The following SLC11A2 variants were observed in gnomAD, a reference collection of about 807,000 sequenced individuals.
The protein encoded by SLC11A2 is solute carrier family 11 member 2.
SLC11A2 carries 38 observed loss-of-function variants against 68.0 expected under a neutral mutation model. The ratio of observed to expected loss-of-function variants is 0.56; its 90% CI spans 0.43 to 0.73. The LOEUF (loss-of-function observed/expected upper bound fraction) is 0.73. SLC11A2 is among the 30% of genes least tolerant of loss of function. The pLI is 0.00. For synonymous variants in SLC11A2, 242 were observed against 250.6 expected, an observed-to-expected ratio of 0.97 and a Z score of 0.32; for missense variants, 517 against 690.5, an observed-to-expected ratio of 0.75 and a Z score of 2.82.
At chr12:50,953,812 C>A in the SLC11A2 span, 1 of 525,238 alleles carries the variant, frequency 1.9e-6, no homozygotes, top group Non-Finnish European at 3.4e-6. Context: ...CCTTCCCCTG[C>A]AAAATGAAAA....
At chr12:50,962,693 T>C in the SLC11A2 span, among the ~76,000 whole-genome samples, 1 of 152,000 alleles carries the variant, frequency 6.6e-6, no homozygotes, top group South Asian at 2.1e-4. Flanking sequence ...CAAGACTCCA[T>C]CTCAAAAAAA....
intron 3 of SLC11A2, chr12:51,006,301 A>AAAAC (rs140582579): frequency 1.6e-3 from 260 of 158,444 alleles, no homozygotes; most frequent in African/African-American, 5.8e-3. Flanking sequence ...CTCCGTCTCA[A>AAAAC]AAACAAACAA....
At chr12:50,994,215 A>G (rs1941481499) in intron 11 of SLC11A2, among the ~76,000 whole-genome samples, 1 of 151,596 alleles carries the variant, frequency 6.6e-6, no homozygotes, top group African/African-American at 2.4e-5. Flanking sequence ...TAATTTTTGT[A>G]TTTTTGTTTT....
rs4768950 is a variant in SLC11A2, at chr12:51,019,546, A to C, written c.-39+6764T>G. Among the ~76,000 whole-genome samples the C allele has an allele frequency of 5.7e-3, 873 of 152,048 alleles. 4 individuals carry two copies. The highest frequency in any genetic ancestry group is 0.01 in the Middle Eastern group (3 of 294). The stretch of plus-strand genomic sequence containing the variant: ...ATTTTAATGAGGAAGGTTATTAATC[A>C]CTTTTTTAAAATAAGAGATTATTAC... On this transcript the variant is annotated intron_variant, in intron 1 of 15. Transcript: ENST00000262052.
chr12:51,000,581 T>G (rs1942115139), intron 5 of SLC11A2, 162 bp from the exon 6 acceptor site: 4 of 658,410 alleles, frequency 6.1e-6, no homozygotes, highest in Non-Finnish European at 1.1e-5. Flanking sequence ...GGCCGATCAC[T>G]GCACTGTGGC....
In SLC11A2 at chr12:50,987,326, C is replaced by G; in HGVS notation, c.*999G>C. ...GTCCACAGCTCCTGAGATTGCCTCG[C>G]AAGTCATCTTGGGCATGAAGCAGAG... is the stretch of plus-strand genomic sequence containing the variant. On this transcript the variant is annotated 3_prime_UTR_variant, in exon 16 of 16. Transcript: ENST00000262052. 1 of 1,287,206 alleles carries G rather than the reference C, an allele frequency of 7.8e-7. No homozygotes were observed. Among genetic ancestry groups the G allele is most frequent in the African/African-American group, 1.5e-5 (1 of 65,914 alleles). The allele number at this position is 1,287,206 out of a possible 1,614,324, so 79.7% of individuals were successfully genotyped here. A position where few individuals can be genotyped will look rare whatever the true frequency, so the allele number is the denominator to read the frequency against.
At chr12:50,954,085 C>T in the SLC11A2 span, 31 of 1,601,274 alleles carry the variant, frequency 1.9e-5, no homozygotes, top group Non-Finnish European at 2.7e-5. Flanking sequence ...CCCCCTTTGT[C>T]CCTATAGGTA....
chr12:50,987,125 C>A lies in SLC11A2; in HGVS notation c.*1200G>T. 7.8e-7 allele frequency: 1 copy of A among 1,283,556 alleles called. No individual in the cohort carries two copies. The highest frequency in any genetic ancestry group is 1.2e-5 in the South Asian group (1 of 80,206). 79.5% of individuals were successfully genotyped at this position (1,283,556 alleles called of 1,614,324 possible). A position where few individuals can be genotyped will look rare whatever the true frequency, so the allele number is the denominator to read the frequency against. On this transcript the variant is annotated 3_prime_UTR_variant, in exon 16 of 16. Coordinates refer to ENST00000262052, the MANE Select transcript of SLC11A2 (RefSeq NM_000617.3). Reference sequence around the variant, plus strand: ...GCAGCAGCTTTGTGCTGAAGACACCCATTTCCTCTGACTCCAGAGCTCCAC... The same window carrying A: ...GCAGCAGCTTTGTGCTGAAGACACCAATTTCCTCTGACTCCAGAGCTCCAC...
chr12:51,012,156 G>A lies in SLC11A2; in HGVS notation c.-38-1390C>T, dbSNP rs73300028. 7.2e-3 allele frequency among the ~76,000 whole-genome samples: 1,091 copies of A among 152,284 alleles called. 21 individuals carry two copies. The highest frequency in any genetic ancestry group is 0.024 in the African/African-American group (1,002 of 41,562). On this transcript the variant is annotated intron_variant, in intron 1 of 15. Transcript: ENST00000262052. ...AAGCACCAGCAGGATTAAGCATAGC[G>A]TGTGGGATGCCAGCCTTTGTCTACA...
intron 1 of SLC11A2, among the ~76,000 whole-genome samples, chr12:51,019,403 T>C (rs1486871356): frequency 1.3e-5 from 2 of 152,206 alleles, no homozygotes; most frequent in Non-Finnish European, 2.9e-5. Context: ...AACACCTTGT[T>C]GTACCAGGTG....
downstream of SLC11A2, chr12:50,979,334 T>C (rs574278714): frequency 6.4e-6 from 1 of 155,090 alleles, no homozygotes; most frequent in African/African-American, 2.4e-5. Flanking sequence ...CTGTTCCTAG[T>C]AACATATAGT....
chr12:51,015,319 T>C (rs1943561300), intron 1 of SLC11A2, among the ~76,000 whole-genome samples: 1 of 150,508 alleles, frequency 6.6e-6, no homozygotes, highest in African/African-American at 2.5e-5. Context: ...CTACTAAAAA[T>C]ACAAAATTAG....
the SLC11A2 span, among the ~76,000 whole-genome samples, chr12:50,956,555 T>C: frequency 1.3e-5 from 2 of 152,232 alleles, no homozygotes; most frequent in Non-Finnish European, 2.9e-5. Flanking sequence ...ATTATAAATA[T>C]ATTTACACTG....
intron 1 of SLC11A2, among the ~76,000 whole-genome samples, chr12:51,013,748 A>G (rs1042978456): frequency 3.3e-5 from 5 of 152,080 alleles, no homozygotes; most frequent in Non-Finnish European, 5.9e-5. Context: ...AAAAAAGAAG[A>G]AAAAGAAGAC....
At chr12:50,976,960 G>A (rs1055404404), downstream of SLC11A2, among the ~76,000 whole-genome samples, 2 of 152,056 alleles carry the variant, frequency 1.3e-5, no homozygotes, top group African/African-American at 4.8e-5. Context: ...ACCTCTCCAA[G>A]GAGAACTACA....
chr12:50,996,671 T>A, intron 9 of SLC11A2, 146 bp downstream of exon 9: 1 of 774,216 alleles, frequency 1.3e-6, no homozygotes, highest in Admixed American at 2.0e-5. Flanking sequence ...CATCTAAGTA[T>A]ATGGAGTTTA....
chr12:51,009,077 C>T lies in SLC11A2; in HGVS notation c.35-453G>A, dbSNP rs767343674. 66 of 1,167,162 alleles carry T rather than the reference C, an allele frequency of 5.7e-5. 1 individual carries two copies. Among genetic ancestry groups the T allele is most frequent in the Non-Finnish European group, 7.4e-5 (60 of 810,452 alleles). The allele number at this position is 1,167,162 out of a possible 1,614,324, so 72.3% of individuals were successfully genotyped here. A position where few individuals can be genotyped will look rare whatever the true frequency, so the allele number is the denominator to read the frequency against. ...AAAGAAAAGAACTAGGCCTGTCTAG[C>T]GAAATGTCCTCCCCACCTCCTATAT... On this transcript the variant is annotated intron_variant, in intron 2 of 15. Transcript: ENST00000262052.
intron 11 of SLC11A2, among the ~76,000 whole-genome samples, chr12:50,993,391 T>G (rs577680365): frequency 1.2e-4 from 19 of 152,196 alleles, no homozygotes; most frequent in African/African-American, 4.3e-4. Context: ...AAAAACACTT[T>G]ACTAAGAACA....
the SLC11A2 span, among the ~76,000 whole-genome samples, chr12:50,970,982 G>C: frequency 6.6e-6 from 1 of 152,158 alleles, no homozygotes; most frequent in Admixed American, 6.6e-5. Context: ...AGGTTCAAGT[G>C]ATTCTCCTGA....
Sources: allele counts gnomAD v4.1 joint callset (sites outside exome capture counted in the v4.1 genomes callset), GRCh38; gene constraint gnomAD v4.1.1; transcripts MANE v1.5; gene names NCBI Gene and HGNC (gene_info 2026-07-23, HGNC 2026-07-21).